Variants in TIAM2 observed in about 807,000 individuals in gnomAD.
TIAM2 encodes rho guanine nucleotide exchange factor TIAM2.
Under a neutral mutation model 152.9 loss-of-function variants are expected in TIAM2, and 80 were observed. The ratio of observed to expected loss-of-function variants is 0.52; its 90% CI spans 0.44 to 0.63. The LOEUF (loss-of-function observed/expected upper bound fraction) is 0.63, where lower values mean the gene tolerates loss of function less well. Among genes scored for constraint, TIAM2 ranks in the 30% least tolerant of loss-of-function variants. TIAM2 has a pLI of 0.00. For missense variants in TIAM2, 1,965 were observed against 2,120.1 expected (o/e 0.93, Z 1.44); for synonymous variants, 804 against 838.0 (o/e 0.96, Z 0.70).
intron 1 of TIAM2, among the ~76,000 whole-genome samples, chr6:155,068,715 C>G (rs911748056): frequency 1.3e-5 from 2 of 152,078 alleles, no homozygotes; most frequent in African/African-American, 4.8e-5. Flanking sequence ...CCTCGGCCTC[C>G]CAGAGTGCTG....
intron 1 of TIAM2, among the ~76,000 whole-genome samples, chr6:155,065,868 A>C (rs1033770387): frequency 1.3e-5 from 2 of 152,200 alleles, no homozygotes; most frequent in Non-Finnish European, 2.9e-5. Context: ...AAATCTGGGC[A>C]GGAGCACTGT....
At chr6:155,210,388 T>C (rs560961113) in intron 14 of TIAM2, among the ~76,000 whole-genome samples, 1 of 151,994 alleles carries the variant, frequency 6.6e-6, no homozygotes, top group South Asian at 2.1e-4. Context: ...GCACGATTAC[T>C]GCTCACTGCC....
chr6:155,074,462 C>T (rs555958976), intron 1 of TIAM2, among the ~76,000 whole-genome samples: 60 of 152,180 alleles, frequency 3.9e-4, no homozygotes, highest in African/African-American at 1.3e-3. Flanking sequence ...ATTCTCCTGC[C>T]TCAGTCTCCT....
Position 155,042,725 on chromosome 6 carries a change from C to T in TIAM2, c.-209+47233C>T, listed in dbSNP as rs149859746. Among the ~76,000 whole-genome samples the T allele has an allele frequency of 3.4e-3, 521 of 152,170 alleles. 3 individuals are homozygous for T. The highest frequency in any genetic ancestry group is 0.012 in the African/African-American group (489 of 41,522). ...ACATATATATACATACATTGTGGAG[C>T]GGCTAAATAATATATGCATTACCTC... is the stretch of plus-strand genomic sequence containing the variant. On this transcript the variant is annotated intron_variant, in intron 1 of 26. Transcript: ENST00000682666.
rs141342118 is a variant in TIAM2 at position 155,081,245 on chromosome 6, A to G, written c.-208-9044A>G. ...CAGGGATTCTGTGACCGCAGAAATGACTGGCATCTCCATCTGCTCGTGCAT... is the reference window on the plus strand; with the variant it reads ...CAGGGATTCTGTGACCGCAGAAATGGCTGGCATCTCCATCTGCTCGTGCAT... On this transcript the variant is annotated intron_variant, in intron 1 of 26. Coordinates refer to ENST00000682666, the MANE Select transcript of TIAM2 (RefSeq NM_012454.4). Among the ~76,000 whole-genome samples, 28 of 152,250 alleles carry G rather than the reference A, an allele frequency of 1.8e-4. No homozygotes were observed. In the East Asian group the frequency reaches 5.4e-3, roughly 29 times the overall value.
chr6:155,223,838 TC>T (rs1782146582), intron 15 of TIAM2, among the ~76,000 whole-genome samples: 2 of 152,188 alleles, frequency 1.3e-5, no homozygotes, highest in South Asian at 4.1e-4. Flanking sequence ...CCAGTGAATT[TC>T]ACCCTTCCCC....
chr6:155,149,292 G>A (rs1379607824), intron 7 of TIAM2: 1 of 167,086 alleles, frequency 6.0e-6, no homozygotes, highest in Non-Finnish European at 1.5e-5. Flanking sequence ...TGTCTTGAAG[G>A]GGGAATCCGG....
At chr6:155,075,727 G>A (rs972949740) in intron 1 of TIAM2, among the ~76,000 whole-genome samples, 2 of 152,002 alleles carry the variant, frequency 1.3e-5, no homozygotes, top group Non-Finnish European at 2.9e-5. Context: ...ATAGCCCGAC[G>A]GTAATTTTAT....
chr6:155,238,832 T>C (rs1782893748), intron 15 of TIAM2, among the ~76,000 whole-genome samples: 1 of 152,258 alleles, frequency 6.6e-6, no homozygotes, highest in African/African-American at 2.4e-5. Context: ...AGGAACTGTT[T>C]CTACTTCTTT....
chr6:155,183,164 C>G, intron 13 of TIAM2, 73 bp from the exon 14 acceptor site: 1 of 1,546,386 alleles, frequency 6.5e-7, no homozygotes, highest in Non-Finnish European at 8.7e-7. Context: ...GAGTTTGCAG[C>G]CTTCTTTCAT....
chr6:155,176,074 G>A (rs1008362818), intron 9 of TIAM2, among the ~76,000 whole-genome samples: 3 of 152,180 alleles, frequency 2.0e-5, no homozygotes, highest in Admixed American at 6.5e-5. Flanking sequence ...GAGTCAGGAT[G>A]GCAGGCAGAT....
At chr6:155,124,887 G>A (rs1270791380) in intron 2 of TIAM2, among the ~76,000 whole-genome samples, 2 of 148,342 alleles carry the variant, frequency 1.3e-5, no homozygotes, top group African/African-American at 2.5e-5. Context: ...AATTTAAAAT[G>A]TATCTGCGTG....
chr6:155,016,506 C>CATTTAAATGGTAAATTTAA (rs1562290466), intron 1 of TIAM2: 2 of 51,716 alleles, frequency 3.9e-5, no homozygotes, highest in African/African-American at 1.7e-4. Flanking sequence ...ATGGTATTTA[C>CATTTAAATGGTAAATTTAA]ATTTAAATGG....
At chr6:155,195,127 ATTAACT>A (rs1162927255) in intron 14 of TIAM2, among the ~76,000 whole-genome samples, 1 of 152,234 alleles carries the variant, frequency 6.6e-6, no homozygotes, top group South Asian at 2.1e-4. Context: ...TAATACAAAC[ATTAACT>A]TTATTTTTCA....
chr6:155,068,608 C>CCCG (rs1363374300), intron 1 of TIAM2, among the ~76,000 whole-genome samples: 1 of 150,212 alleles, frequency 6.7e-6, no homozygotes, highest in Non-Finnish European at 1.5e-5. Flanking sequence ...ACCCGCCCCC[C>CCCG]CATCACGTCT....
At chr6:155,240,355 T>C (rs1005998873) in intron 15 of TIAM2, among the ~76,000 whole-genome samples, 175 bp from the exon 16 acceptor site, 3 of 152,206 alleles carry the variant, frequency 2.0e-5, no homozygotes, top group African/African-American at 7.2e-5. Flanking sequence ...TCTTCCTTAC[T>C]CAGATCCGAA....
intron 1 of TIAM2, among the ~76,000 whole-genome samples, chr6:155,090,036 T>C (rs1327016662): frequency 6.6e-6 from 1 of 152,188 alleles, no homozygotes; most frequent in Non-Finnish European, 1.5e-5. Flanking sequence ...CATTCTATCT[T>C]CAAATGGCTT....
chr6:155,151,801 A>G (rs2352153), intron 7 of TIAM2, among the ~76,000 whole-genome samples: 76,756 of 150,148 alleles, frequency 0.51, 20,196 homozygotes, highest in South Asian at 0.59. Flanking sequence ...ATAACAGGGT[A>G]CATAATTTTC....
intron 1 of TIAM2, among the ~76,000 whole-genome samples, chr6:155,059,551 G>T (rs1313833602): frequency 6.6e-6 from 1 of 152,032 alleles, no homozygotes; most frequent in Non-Finnish European, 1.5e-5. Context: ...CCTGACCTCA[G>T]GTGATCCACC....
Sources: allele counts gnomAD v4.1 joint callset (sites outside exome capture counted in the v4.1 genomes callset), GRCh38; gene constraint gnomAD v4.1.1; transcripts MANE v1.5; gene names NCBI Gene and HGNC (gene_info 2026-07-23, HGNC 2026-07-21).